The following EP300 variants were observed in gnomAD, a reference collection of about 807,000 sequenced individuals.
EP300 encodes the protein EP300 lysine acetyltransferase.
In EP300, 31 loss-of-function variants were observed where a neutral mutation model predicts 264.0. The observed-to-expected ratio is 0.12, with a 90% CI of 0.09 to 0.16. The LOEUF (loss-of-function observed/expected upper bound fraction) is 0.16, where lower values mean the gene tolerates loss of function less well. EP300 is among the 10% of genes least tolerant of loss of function. The pLI, the probability that EP300 is intolerant of heterozygous loss-of-function variation, is 1.00. For synonymous variants in EP300, 1,340 were observed against 1,045.4 expected (o/e 1.28, Z -5.44); for missense variants, 2,766 against 3,052.9 (o/e 0.91, Z 2.21).
intron 1 of EP300, among the ~76,000 whole-genome samples, chr22:41,111,217 C>A (rs1283120280): frequency 3.3e-5 from 5 of 151,742 alleles, no homozygotes; most frequent in African/African-American, 7.3e-5. Context: ...CTCCAGCAGT[C>A]CACCTGTCTC....
intron 1 of EP300, among the ~76,000 whole-genome samples, chr22:41,098,912 T>C (rs1157109292): frequency 1.3e-5 from 2 of 152,124 alleles, no homozygotes; most frequent in Non-Finnish European, 2.9e-5. Context: ...TTACCCACCT[T>C]ACAGGATTGT....
intron 10 of EP300, among the ~76,000 whole-genome samples, chr22:41,143,765 C>T (rs906471214): frequency 5.9e-5 from 9 of 152,136 alleles, no homozygotes; most frequent in Non-Finnish European, 1.2e-4. Flanking sequence ...TCAGTAGAGA[C>T]AGGGTTTCAC....
chr22:41,152,729 C>G (rs1056137592), intron 16 of EP300, among the ~76,000 whole-genome samples: 3 of 149,932 alleles, frequency 2.0e-5, no homozygotes, highest in African/African-American at 7.4e-5. Context: ...TCCACATTGT[C>G]TCATTTAATA....
At chr22:41,112,617 T>C (rs2058799035) in intron 1 of EP300, among the ~76,000 whole-genome samples, 1 of 152,328 alleles carries the variant, frequency 6.6e-6, no homozygotes, top group African/African-American at 2.4e-5. Flanking sequence ...TTTGAGCCTT[T>C]GGTTTGCTCT....
chr22:41,162,111 C>T (rs1336193565), intron 20 of EP300, among the ~76,000 whole-genome samples: 1 of 152,184 alleles, frequency 6.6e-6, no homozygotes, highest in Non-Finnish European at 1.5e-5. Context: ...GTGTCTATTT[C>T]TAACTCCCAG....
chr22:41,148,981 A>T (rs1019618911), intron 12 of EP300, 57 bp from the exon 13 acceptor site: 1 of 1,609,492 alleles, frequency 6.2e-7, no homozygotes, highest in Non-Finnish European at 8.5e-7. Flanking sequence ...GATTTTAGTT[A>T]TAGTAGAATA....
Position 41,168,702 on chromosome 22 carries a change from C to T in EP300, c.4026-19C>T. 6.2e-7 allele frequency: 1 copy of T among 1,614,190 alleles called. No individual in the cohort carries two copies. Among genetic ancestry groups the T allele is most frequent in the South Asian group, 1.1e-5 (1 of 91,078 alleles). On this transcript the variant is annotated intron_variant, in intron 24 of 30. Coordinates refer to ENST00000263253, the MANE Select transcript of EP300 (RefSeq NM_001429.4). ...TGAATGAGTTATGTTGTGGTTCCCC[C>T]ACCATCTCAATTGTATAGGTTTGTG...
At chr22:41,143,600 C>T (rs577688122) in intron 10 of EP300, among the ~76,000 whole-genome samples, 2 of 150,594 alleles carry the variant, frequency 1.3e-5, no homozygotes, top group African/African-American at 4.9e-5. Flanking sequence ...TTTTTTGAAA[C>T]AGTCTCTCTT....
At chr22:41,151,557 T>C (rs2059045610) in intron 14 of EP300, among the ~76,000 whole-genome samples, 1 of 152,172 alleles carries the variant, frequency 6.6e-6, no homozygotes, top group South Asian at 2.1e-4. Flanking sequence ...ATCTTTGAAA[T>C]CCCCACACAC....
intron 10 of EP300, among the ~76,000 whole-genome samples, chr22:41,144,757 T>C (rs1041837373): frequency 1.3e-5 from 2 of 152,178 alleles, no homozygotes; most frequent in Non-Finnish European, 1.5e-5. Context: ...CAATAATAGA[T>C]ACATTCGTAT....
chr22:41,141,269 A>G (rs749395010), intron 10 of EP300, 47 bp downstream of exon 10: 2 of 1,578,046 alleles, frequency 1.3e-6, no homozygotes, highest in Non-Finnish European at 1.7e-6. Context: ...TTGATAATAA[A>G]ATAGTTTCTA....
chr22:41,137,461 A>C (rs1384221121), intron 7 of EP300, among the ~76,000 whole-genome samples, 192 bp from the exon 8 acceptor site: 1 of 151,932 alleles, frequency 6.6e-6, no homozygotes, highest in East Asian at 1.9e-4. Flanking sequence ...AATACAACTT[A>C]CCCTCACACA....
rs1569077410 is a variant in EP300, at chr22:41,092,963, G to A, written c.-42G>A. The A allele has an allele frequency of 6.2e-7, 1 of 1,610,236 alleles. No homozygotes were observed. The highest frequency in any genetic ancestry group is 1.1e-5 in the South Asian group (1 of 91,010). ...CCGGGCCGAAGAAGAGATTTCCTGA[G>A]GATTCTGGTTTTCCTCGCTTGTATC... is the stretch of plus-strand genomic sequence containing the variant. On this transcript the variant is annotated 5_prime_UTR_variant, in exon 1 of 31. Coordinates refer to ENST00000263253, the MANE Select transcript of EP300 (RefSeq NM_001429.4).
Position 41,146,745 on chromosome 22 carries a change from C to T in EP300, c.2060C>T (p.Pro687Leu), listed in dbSNP as rs2059012716. 1 of 1,614,002 alleles carries T rather than the reference C, an allele frequency of 6.2e-7. No individual in the cohort carries two copies. The highest frequency in any genetic ancestry group is 8.5e-7 in the Non-Finnish European group (1 of 1,180,004). ...TTTCTCTTTTTTACTCTAGATGGCC[C>T]TCTACCTGACCCAAGTATGATCCGT... Reference protein sequence around the residue: ...QPQPGMTSNGPLPDPSMIRGS... With the variant: ...QPQPGMTSNGLLPDPSMIRGS... The change falls in exon 11 of 31, where the codon CCT becomes CTT. Residue 687 changes from proline (P) to leucine (L), a missense_variant. By Grantham distance (98) the Pro-to-Leu change is moderately conservative. Transcript: ENST00000263253.
rs748178812 is a variant in EP300, at chr22:41,176,731, A to C, written c.5062-42A>C. 19 of 1,613,344 alleles carry C rather than the reference A, an allele frequency of 1.2e-5. No homozygotes were observed. In the South Asian group the frequency reaches 1.4e-4, roughly 12 times the overall value. Reference sequence around the variant, plus strand: ...TATCTAAAATACTTTTGAATGACTTAAATCTTGGAGAGTTTACGTGCACCT... The same window carrying C: ...TATCTAAAATACTTTTGAATGACTTCAATCTTGGAGAGTTTACGTGCACCT... On this transcript the variant is annotated intron_variant, in intron 30 of 30. Transcript: ENST00000263253.
At chr22:41,101,410 G>C in intron 1 of EP300, among the ~76,000 whole-genome samples, 1 of 149,670 alleles carries the variant, frequency 6.7e-6, no homozygotes, top group East Asian at 2.0e-4. Flanking sequence ...TTTCTTACAT[G>C]GATCTTTTTT....
chr22:41,130,095 G>A (rs754425582), intron 5 of EP300, 92 bp downstream of exon 5: 37 of 937,580 alleles, frequency 3.9e-5, no homozygotes, highest in Non-Finnish European at 5.3e-5. Context: ...TGAGGGACCT[G>A]TGGTGTTGTA....
At position 41,164,100 on chromosome 22, in the gene EP300, T is replaced by C. The variant is rs2059122419; in HGVS notation, c.3776T>C (p.Val1259Ala). The C allele has an allele frequency of 6.2e-7, 1 of 1,614,180 alleles. No individual in the cohort carries two copies. The highest frequency in any genetic ancestry group is 2.2e-5 in the East Asian group (1 of 44,876). Reference sequence around the variant, plus strand: ...GGAAGAAAGATGCATCAGATCTGTGTCCTTCACCATGAGATCATCTGGCCT... The same window carrying C: ...GGAAGAAAGATGCATCAGATCTGTGCCCTTCACCATGAGATCATCTGGCCT... ...ECGRKMHQICVLHHEIIWPAG... is the reference protein window; with the variant it reads ...ECGRKMHQICALHHEIIWPAG... Residue 1259 changes from valine (V) to alanine (A), a missense_variant, in exon 22 of 31, where the codon GTC (valine) becomes GCC (alanine). Coordinates refer to ENST00000263253, the MANE Select transcript of EP300 (RefSeq NM_001429.4).
Position 41,168,558 on chromosome 22 carries a change from T to C in EP300, c.3984T>C (p.Ala1328=), listed in dbSNP as rs1308482912. Residue 1328 remains alanine (A), a synonymous_variant, in exon 24 of 31, where the codon GCT becomes GCC. Coordinates refer to ENST00000263253, the MANE Select transcript of EP300 (RefSeq NM_001429.4). ...AGGTCACTGTTAGAGTAGTTCATGC[T>C]TCTGACAAAACCGTGGAAGTAAAAC... is the stretch of plus-strand genomic sequence containing the variant. ...SGEVTVRVVH[A]SDKTVEVKPG... is the part of the protein sequence containing the mutation. 4 of 1,614,204 alleles carry C rather than the reference T, an allele frequency of 2.5e-6. No homozygotes were observed. The Admixed American group carries it at 5.0e-5, about 20-fold the overall frequency.
Sources: gnomAD v4.1 joint callset for allele counts (sites outside exome capture counted in the v4.1 genomes callset) on GRCh38, gnomAD v4.1.1 for gene constraint, MANE v1.5 for transcripts, NCBI Gene and HGNC (gene_info 2026-07-23, HGNC 2026-07-21) for gene names.